NDRG3: variants seen among roughly 807,000 people sequenced by gnomAD.
NDRG3 encodes NDRG family member 3.
NDRG3 carries 23 observed loss-of-function variants against 57.2 expected under a neutral mutation model. The ratio of observed to expected loss-of-function variants is 0.40; its 90% CI spans 0.29 to 0.57. NDRG3 has a LOEUF of 0.57. Ranked by LOEUF, NDRG3 falls within the 20% of genes least tolerant of loss-of-function variation. NDRG3 has a pLI of 0.42. For synonymous variants in NDRG3, 132 were observed against 162.6 expected (o/e 0.81, Z 1.43); for missense variants, 384 against 457.3 (o/e 0.84, Z 1.46).
intron 1 of NDRG3, among the ~76,000 whole-genome samples, chr20:36,743,902 C>CTTTT (rs1188148076): frequency 1.2e-4 from 14 of 119,020 alleles, no homozygotes; most frequent in South Asian, 2.5e-4. Flanking sequence ...CATAAACAAG[C>CTTTT]TTTTTTTTTT....
intron 1 of NDRG3, among the ~76,000 whole-genome samples, chr20:36,733,146 CAAAAAAAAAAAAAA>C (rs141850127): frequency 2.6e-5 from 1 of 38,978 alleles, no homozygotes; most frequent in African/African-American, 9.2e-5. Context: ...GATCCTGTCT[CAAAAAAAAAAAAAA>C]AAAAAAAAAA....
chr20:36,712,559 CTATATATATATATA>C (rs1201319236), intron 2 of NDRG3, among the ~76,000 whole-genome samples: 8 of 20,748 alleles, frequency 3.9e-4, no homozygotes, highest in Non-Finnish European at 5.6e-4. Flanking sequence ...CCATGCCCGG[CTATATATATATATA>C]TATATATATA....
chr20:36,708,788 C>A (rs569705044), intron 2 of NDRG3, among the ~76,000 whole-genome samples: 2 of 152,076 alleles, frequency 1.3e-5, no homozygotes, highest in South Asian at 4.2e-4. Flanking sequence ...AATCCCAGCA[C>A]GGCACTTTGG....
intron 1 of NDRG3, among the ~76,000 whole-genome samples, chr20:36,730,266 T>C (rs1298906712): frequency 2.0e-5 from 3 of 150,684 alleles, no homozygotes; most frequent in African/African-American, 7.3e-5. Flanking sequence ...AAAAAAATTG[T>C]TTTTTTGGAG....
In NDRG3 at chr20:36,741,946, G is replaced by C. The variant is rs148954750; in HGVS notation, c.-49+4099C>G. 8.5e-3 allele frequency among the ~76,000 whole-genome samples: 1,287 copies of C among 152,228 alleles called. 17 individuals carry two copies. The highest frequency in any genetic ancestry group is 0.013 in the Non-Finnish European group (866 of 68,020). On this transcript the variant is annotated intron_variant, in intron 1 of 15. Transcript: ENST00000349004. Reference sequence around the variant, plus strand: ...AGCCAGCCAAGCCAATTTTTTTACTGTCCGTTAAACATGGCAGGCACTGCT... The same window carrying C: ...AGCCAGCCAAGCCAATTTTTTTACTCTCCGTTAAACATGGCAGGCACTGCT...
intron 1 of NDRG3, among the ~76,000 whole-genome samples, chr20:36,737,698 C>T (rs1322455996): frequency 6.6e-6 from 1 of 152,080 alleles, no homozygotes; most frequent in Admixed American, 6.6e-5. Context: ...ACCAATTTTC[C>T]CCACTTGATG....
At chr20:36,724,007 T>TA (rs1984769153) in intron 1 of NDRG3, among the ~76,000 whole-genome samples, 2 of 152,162 alleles carry the variant, frequency 1.3e-5, no homozygotes, top group South Asian at 4.2e-4. Flanking sequence ...GCGCCCGGCC[T>TA]AGTGTACTAT....
intron 4 of NDRG3, among the ~76,000 whole-genome samples, 169 bp from the exon 5 acceptor site, chr20:36,687,781 A>G (rs1000953964): frequency 1.3e-5 from 2 of 152,246 alleles, no homozygotes; most frequent in African/African-American, 4.8e-5. Flanking sequence ...AAGGCTGAAT[A>G]TAAGACATCT....
intron 8 of NDRG3, among the ~76,000 whole-genome samples, chr20:36,671,810 A>AC (rs1422823846): frequency 6.6e-6 from 1 of 152,016 alleles, no homozygotes; most frequent in Non-Finnish European, 1.5e-5. Context: ...TCAAAAAAAA[A>AC]AAAAAAAAAC....
At chr20:36,715,379 T>TCTTA (rs1984212660) in intron 2 of NDRG3, among the ~76,000 whole-genome samples, 1 of 151,894 alleles carries the variant, frequency 6.6e-6, no homozygotes, top group African/African-American at 2.4e-5. Flanking sequence ...AACCATCATG[T>TCTTA]CTTAGTACAT....
intron 8 of NDRG3, among the ~76,000 whole-genome samples, chr20:36,675,967 G>A (rs909360175): frequency 3.3e-5 from 5 of 152,098 alleles, no homozygotes; most frequent in South Asian, 2.1e-4. Context: ...ACGGCTGGGC[G>A]CGGTGGCTCA....
At chr20:36,654,986 C>A in intron 15 of NDRG3, 1 of 672,014 alleles carries the variant, frequency 1.5e-6, no homozygotes, top group South Asian at 1.6e-5. Flanking sequence ...GTGAGGCTGA[C>A]AGATACTTCA....
chr20:36,679,069 G>A (rs970543351), intron 8 of NDRG3, among the ~76,000 whole-genome samples: 17 of 152,312 alleles, frequency 1.1e-4, no homozygotes, highest in African/African-American at 3.6e-4. Context: ...TCCTGCCTCA[G>A]CCTCCTGAGT....
At chr20:36,671,997 C>A (rs934270516) in intron 8 of NDRG3, among the ~76,000 whole-genome samples, 1 of 152,136 alleles carries the variant, frequency 6.6e-6, no homozygotes, top group Non-Finnish European at 1.5e-5. Flanking sequence ...CTAGACCTCA[C>A]GGCTGTTTGC....
chr20:36,718,220 G>A (rs1281160027), intron 2 of NDRG3, among the ~76,000 whole-genome samples: 2 of 152,336 alleles, frequency 1.3e-5, no homozygotes, highest in East Asian at 3.9e-4. Context: ...ACTGGGGAGG[G>A]GGAGAGGGAG....
intron 3 of NDRG3, among the ~76,000 whole-genome samples, chr20:36,701,771 C>G (rs1261945867): frequency 6.6e-6 from 1 of 151,238 alleles, no homozygotes; most frequent in Non-Finnish European, 1.5e-5. Flanking sequence ...TGGTTTCGAA[C>G]TCCTGACCTC....
intron 5 of NDRG3, among the ~76,000 whole-genome samples, chr20:36,686,649 G>A (rs1345883363): frequency 1.3e-5 from 2 of 152,144 alleles, no homozygotes; most frequent in Admixed American, 6.5e-5. Context: ...ACTCTGCCCT[G>A]CGAAGCAGAT....
intron 2 of NDRG3, among the ~76,000 whole-genome samples, chr20:36,708,320 G>A (rs574093300): frequency 6.6e-6 from 1 of 152,182 alleles, no homozygotes; most frequent in Non-Finnish European, 1.5e-5. Flanking sequence ...AAAATACTGA[G>A]TAGTCCCATC....
Position 36,738,374 on chromosome 20 carries a change from A to AATTT in NDRG3, c.-49+7670_-49+7671insAAAT, listed in dbSNP as rs1387737346. ...GCCAGGCATGGTGGCAGGTACCTAT[A>AATTT]ATCCCAGCTACACGAGAGACTGAGG... On this transcript the variant is annotated intron_variant, in intron 1 of 15. Transcript: ENST00000349004. Among the ~76,000 whole-genome samples the AATTT allele has an allele frequency of 4.0e-5, 6 of 150,884 alleles. No homozygotes were observed. The South Asian group carries it at 6.3e-4, about 16-fold the overall frequency.
Sources: gnomAD v4.1 joint callset for allele counts (sites outside exome capture counted in the v4.1 genomes callset) on GRCh38, gnomAD v4.1.1 for gene constraint, MANE v1.5 for transcripts, NCBI Gene and HGNC (gene_info 2026-07-23, HGNC 2026-07-21) for gene names.